CENPC: variants seen among roughly 807,000 people sequenced by gnomAD.
CENPC encodes CENP-C 1.
CENPC carries 63 observed loss-of-function variants against 112.1 expected under a neutral mutation model. That is an observed-to-expected ratio of 0.56 (90% CI 0.46 to 0.69). CENPC has a LOEUF of 0.69. Ranked by LOEUF, CENPC falls within the 30% of genes least tolerant of loss-of-function variation. The pLI is 0.00. For synonymous variants in CENPC, 333 were observed against 367.6 expected (o/e 0.91, Z 1.08); for missense variants, 1,000 against 1,103.8 (o/e 0.91, Z 1.33).
intron 11 of CENPC, among the ~76,000 whole-genome samples, chr4:67,505,862 T>C (rs551439117): frequency 1.3e-3 from 192 of 152,178 alleles, no homozygotes; most frequent in African/African-American, 4.5e-3. Context: ...GTAACAGACT[T>C]AGTAAATTCA....
rs184107721 is a variant in CENPC at position 67,476,130 on chromosome 4, T to C, written c.2671-1152A>G. On this transcript the variant is annotated intron_variant, in intron 17 of 18. Coordinates refer to ENST00000273853, the MANE Select transcript of CENPC (RefSeq NM_001812.4). Reference sequence around the variant, plus strand: ...GCCAGTCACATAAAAGTATAGCACATACAGGAAAAAGTGGAGGATAGAAAG... The same window carrying C: ...GCCAGTCACATAAAAGTATAGCACACACAGGAAAAAGTGGAGGATAGAAAG... Among the ~76,000 whole-genome samples the C allele has an allele frequency of 1.8e-4, 27 of 152,174 alleles. No homozygotes were observed. In the South Asian group the frequency reaches 2.9e-3, roughly 16 times the overall value.
intron 12 of CENPC, among the ~76,000 whole-genome samples, chr4:67,497,398 A>G (rs1422004046): frequency 6.6e-6 from 1 of 152,148 alleles, no homozygotes; most frequent in Non-Finnish European, 1.5e-5. Context: ...TTAAAAATAA[A>G]TAAATAAAAA....
chr4:67,512,093 C>T (rs1460532690), intron 9 of CENPC: 1 of 210,590 alleles, frequency 4.7e-6, no homozygotes, highest in African/African-American at 2.3e-5. Context: ...CTTTGTATCC[C>T]TCACAGCCAG....
chr4:67,537,990 T>C (rs1344219563), intron 4 of CENPC, among the ~76,000 whole-genome samples: 1 of 151,392 alleles, frequency 6.6e-6, no homozygotes, highest in East Asian at 1.9e-4. Context: ...TCTCAGAAAA[T>C]AAATAAATAA....
intron 13 of CENPC, 81 bp downstream of exon 13, chr4:67,495,078 A>T: frequency 7.9e-7 from 1 of 1,265,784 alleles, no homozygotes; most frequent in Admixed American, 3.2e-5. Flanking sequence ...CTCCTGCTTA[A>T]GAAGAAATAA....
At position 67,471,122 on chromosome 4, in the gene CENPC, G is replaced by C. The variant is rs1724649706; in HGVS notation, c.*1483C>G. On this transcript the variant is annotated 3_prime_UTR_variant, in exon 19 of 19. Transcript: ENST00000273853. ...GGGTGGAAGGCTTATAGACTCAAGT[G>C]TTTGATCTTAACCTTTGTCCAAATG... 1 of 152,204 alleles carries C rather than the reference G, an allele frequency of 6.6e-6. No individual in the cohort carries two copies. The highest frequency in any genetic ancestry group is 2.4e-5 in the African/African-American group (1 of 41,452). The allele number at this position is 152,204 out of a possible 1,614,324, so 9.4% of individuals were successfully genotyped here.
In CENPC at chr4:67,492,442, A is replaced by G. The variant is rs189998846; in HGVS notation, c.2420-167T>C. Among the ~76,000 whole-genome samples, 17 of 152,302 alleles carry G rather than the reference A, an allele frequency of 1.1e-4. No homozygotes were observed. The East Asian group carries it at 3.1e-3, about 28-fold the overall frequency. The stretch of plus-strand genomic sequence containing the variant: ...TGATAAACAAAAATTCAAACTTAAA[A>G]ACCCATAATGATTTAATATAAAAGC... On this transcript the variant is annotated intron_variant, in intron 15 of 18. Coordinates refer to ENST00000273853, the MANE Select transcript of CENPC (RefSeq NM_001812.4).
intron 16 of CENPC, among the ~76,000 whole-genome samples, chr4:67,491,291 A>G (rs1232759270): frequency 1.3e-5 from 2 of 150,636 alleles, no homozygotes; most frequent in Non-Finnish European, 1.5e-5. Flanking sequence ...CTCCTGTCCC[A>G]GCCTCCCAAG....
intron 17 of CENPC, among the ~76,000 whole-genome samples, chr4:67,484,583 C>G (rs916685865): frequency 1.1e-4 from 17 of 152,170 alleles, no homozygotes; most frequent in African/African-American, 3.6e-4. Flanking sequence ...AGGTTGTGTG[C>G]TCCTTATGAA....
chr4:67,496,788 T>A (rs1042993216), intron 12 of CENPC, among the ~76,000 whole-genome samples: 11 of 152,042 alleles, frequency 7.2e-5, no homozygotes, highest in African/African-American at 2.7e-4. Flanking sequence ...CTAACATCGA[T>A]TGTGTCAATG....
chr4:67,491,480 T>TATAGAGAGAGAGAGAGAAAGAGAG, intron 16 of CENPC, among the ~76,000 whole-genome samples: 1 of 18,098 alleles, frequency 5.5e-5, no homozygotes, highest in Non-Finnish European at 1.0e-4. Flanking sequence ...TATATATATA[T>TATAGAGAGAGAGAGAGAAAGAGAG]AGAGAGAGAG....
At chr4:67,492,822 C>T (rs762848642) in intron 15 of CENPC, 47 bp downstream of exon 15, 54 of 1,478,160 alleles carry the variant, frequency 3.7e-5, no homozygotes, top group Non-Finnish European at 4.8e-5. Context: ...CAAAGTACTC[C>T]TATTTAAAAT....
chr4:67,518,141 T>A lies in CENPC; in HGVS notation c.830+15A>T. On this transcript the variant is annotated intron_variant, in intron 7 of 18. Transcript: ENST00000273853. ...AAAGAAAAATGTCTCAAAGGGCAGTTTCTTAATAACTCACCTGGATTCACT... is the reference window on the plus strand; with the variant it reads ...AAAGAAAAATGTCTCAAAGGGCAGTATCTTAATAACTCACCTGGATTCACT... The A allele has an allele frequency of 1.4e-6, 2 of 1,425,046 alleles. No individual in the cohort carries two copies. Among genetic ancestry groups the A allele is most frequent in the South Asian group, 2.7e-5 (2 of 73,450 alleles). The allele number at this position is 1,425,046 out of a possible 1,614,324, so 88.3% of individuals were successfully genotyped here. A position where few individuals can be genotyped will look rare whatever the true frequency, so the allele number is the denominator to read the frequency against.
intron 9 of CENPC, 150 bp from the exon 10 acceptor site, chr4:67,509,255 C>CACACACACACACAT (rs1553895287): frequency 2.1e-6 from 1 of 469,682 alleles, no homozygotes; most frequent in African/African-American, 2.2e-5. Context: ...CACACACACA[C>CACACACACACACAT]ATCTCAGGCT....
At chr4:67,507,158 G>C (rs1001556291) in intron 10 of CENPC, among the ~76,000 whole-genome samples, 1 of 152,104 alleles carries the variant, frequency 6.6e-6, no homozygotes, top group Non-Finnish European at 1.5e-5. Flanking sequence ...AAATGGAGAA[G>C]ACACCTGCCA....
chr4:67,497,403 T>C (rs1427506872), intron 12 of CENPC, among the ~76,000 whole-genome samples: 1 of 151,874 alleles, frequency 6.6e-6, no homozygotes, highest in Non-Finnish European at 1.5e-5. Context: ...AATAAATAAA[T>C]AAAAATACAG....
At chr4:67,530,683 C>T in intron 5 of CENPC, 132 bp downstream of exon 5, 1 of 419,554 alleles carries the variant, frequency 2.4e-6, no homozygotes, top group East Asian at 3.8e-5. Flanking sequence ...AAAACAAATT[C>T]ATCCATTTCA....
chr4:67,503,676 CAACAA>C (rs1354608091), intron 12 of CENPC, among the ~76,000 whole-genome samples: 2 of 151,898 alleles, frequency 1.3e-5, no homozygotes, highest in Non-Finnish European at 2.9e-5. Context: ...CTTATGTTAT[CAACAA>C]AATAACTGGA....
At chr4:67,528,785 A>T (rs748494952) in intron 5 of CENPC, among the ~76,000 whole-genome samples, 7 of 152,184 alleles carry the variant, frequency 4.6e-5, no homozygotes, top group Non-Finnish European at 1.0e-4. Context: ...GAATATTAGT[A>T]TACAAATGTC....
Sources: gnomAD v4.1 joint callset for allele counts (sites outside exome capture counted in the v4.1 genomes callset) on GRCh38, gnomAD v4.1.1 for gene constraint, MANE v1.5 for transcripts, NCBI Gene and HGNC (gene_info 2026-07-23, HGNC 2026-07-21) for gene names.